Variants in CDH3 observed in about 807,000 individuals in gnomAD.
CDH3 encodes the protein cadherin-3.
Under a neutral mutation model 82.0 loss-of-function variants are expected in CDH3, and 54 were observed. That is an observed-to-expected ratio of 0.66 (90% CI 0.53 to 0.83). The LOEUF (loss-of-function observed/expected upper bound fraction) is 0.83. CDH3 is among the 40% of genes least tolerant of loss of function. CDH3 has a pLI of 0.00. For missense variants in CDH3, 1,054 were observed against 1,084.6 expected (o/e 0.97, Z 0.40); for synonymous variants, 446 against 437.9 (o/e 1.02, Z -0.23).
At position 68,679,959 on chromosome 16, in the gene CDH3, T is replaced by C. The variant is rs1421285135; in HGVS notation, c.852T>C (p.Ser284=). ...CAGGCACCATCAGCGTCATCTCCAG[T>C]GGCCTGGACCGGGAAGTGAGTGGCC... ...RSTGTISVIS[S]GLDREKVPEY... Residue 284 remains serine, a synonymous_variant, in exon 7 of 16, where the codon AGT becomes AGC. Transcript: ENST00000264012. 3.1e-6 allele frequency: 5 copies of C among 1,614,178 alleles called. No homozygotes were observed. The East Asian group carries it at 1.1e-4, about 36-fold the overall frequency.
chr16:68,646,505 C>CA (rs1359417122), intron 2 of CDH3, among the ~76,000 whole-genome samples: 1 of 139,636 alleles, frequency 7.2e-6, no homozygotes, highest in East Asian at 2.3e-4. Flanking sequence ...TACTCCTACC[C>CA]CCCCCCTCCC....
At chr16:68,654,495 G>C (rs1458930346) in intron 2 of CDH3, among the ~76,000 whole-genome samples, 3 of 127,890 alleles carry the variant, frequency 2.3e-5, no homozygotes, top group African/African-American at 5.9e-5. Flanking sequence ...CTGAGGTCAA[G>C]AGTTCGAGAC....
At position 68,674,765 on chromosome 16, in the gene CDH3, G is replaced by T. The variant is rs187429137; in HGVS notation, c.161-1620G>T. On this transcript the variant is annotated intron_variant, in intron 2 of 15. Transcript: ENST00000264012. ...AAAGAATTCTACTTTTTTATATTGT[G>T]CTCTTATATACTATGTGAATACTTT... 6.6e-5 allele frequency among the ~76,000 whole-genome samples: 10 copies of T among 152,162 alleles called. No homozygotes were observed. The East Asian group carries it at 1.7e-3, about 27-fold the overall frequency.
At chr16:68,726,579 G>GT (rs60673311) in intron 2 of CDH3, among the ~76,000 whole-genome samples, 2,315 of 132,138 alleles carry the variant, frequency 0.018, 19 homozygotes, top group Non-Finnish European at 0.021. Context: ...TTTTTTGGTT[G>GT]TTTTTTTTTT....
chr16:68,731,073 T>C (rs1160897337), downstream of CDH3, among the ~76,000 whole-genome samples: 2 of 113,354 alleles, frequency 1.8e-5, no homozygotes, highest in Non-Finnish European at 3.5e-5. Flanking sequence ...TATATATATA[T>C]ATATAATTAT....
intron 2 of CDH3, among the ~76,000 whole-genome samples, chr16:68,648,152 G>A (rs1227462042): frequency 6.6e-6 from 1 of 152,180 alleles, no homozygotes. Flanking sequence ...GTCTAGCCTT[G>A]CCTGAGGTTT....
At chr16:68,713,991 T>G (rs1176825411) in intron 1 of CDH3, among the ~76,000 whole-genome samples, 1 of 152,002 alleles carries the variant, frequency 6.6e-6, no homozygotes, top group Non-Finnish European at 1.5e-5. Context: ...TGGAGTGCGG[T>G]GGCTCGATCT....
Position 68,717,498 on chromosome 16 carries a change from C to T in CDH3, c.100-4927C>T, listed in dbSNP as rs12934330. ...AAAGTTGTGATTAGGTCAGGCCGAG[C>T]GCGGTGGCTCACGCTTGTAATTCCA... On this transcript the variant is annotated intron_variant, in intron 1 of 2. Coordinates refer to the CDH3 transcript ENST00000569080. Among the ~76,000 whole-genome samples, 659 of 152,184 alleles carry T rather than the reference C, an allele frequency of 4.3e-3. 2 individuals are homozygous for T. Among genetic ancestry groups the T allele is most frequent in the Non-Finnish European group, 7.8e-3 (533 of 67,996 alleles).
chr16:68,684,583 G>A lies in CDH3; in HGVS notation c.1183G>A (p.Gly395Ser), dbSNP rs757965198. The change falls in exon 10 of 16, where the codon GGT becomes AGT. Residue 395 changes from glycine to serine, a missense_variant and splice_region_variant. Transcript: ENST00000264012. ...SNQGILTTRK[G>S]LDFEAKNQHT... is the part of the protein sequence containing the mutation. ...GGTCCTTCTTCCTCTTCTCTCCTAG[G>A]GTTTGGATTTTGAGGCCAAAAACCA... is the stretch of plus-strand genomic sequence containing the variant. 5.0e-6 allele frequency: 8 copies of A among 1,614,092 alleles called. No homozygotes were observed. Among genetic ancestry groups the A allele is most frequent in the Non-Finnish European group, 6.8e-6 (8 of 1,180,022 alleles).
Position 68,647,854 on chromosome 16 carries a change from G to A in CDH3, c.160+2104G>A, listed in dbSNP as rs181892773. On this transcript the variant is annotated intron_variant, in intron 2 of 15. Coordinates refer to ENST00000264012, the MANE Select transcript of CDH3 (RefSeq NM_001793.6). ...GTTGAAAGGGTTATCCTGCAGGAAC[G>A]TATAGACTCTCAAGTTTAGCCAAGC... Among the ~76,000 whole-genome samples the A allele has an allele frequency of 5.5e-4, 84 of 152,178 alleles. 2 individuals carry two copies. In the East Asian group the frequency reaches 0.013, roughly 24 times the overall value.
chr16:68,665,606 T>C (rs1340090063), intron 2 of CDH3, among the ~76,000 whole-genome samples: 1 of 152,156 alleles, frequency 6.6e-6, no homozygotes, highest in Non-Finnish European at 1.5e-5. Context: ...TACACAGCAC[T>C]TTTACCTACC....
rs1961813748 is a variant in CDH3 at position 68,698,412 on chromosome 16, G to A, written c.*12G>A. 6.2e-7 allele frequency: 1 copy of A among 1,612,510 alleles called. No homozygotes were observed. Among genetic ancestry groups the A allele is most frequent in the Non-Finnish European group, 8.5e-7 (1 of 1,179,158 alleles). On this transcript the variant is annotated 3_prime_UTR_variant, in exon 16 of 16. Transcript: ENST00000264012. ...GGGAGGACGACTAGGCGGCCTGCCT[G>A]CAGGGCTGGGGACCAAACGTCAGGC...
In CDH3 at chr16:68,698,683, A is replaced by G; in HGVS notation, c.*283A>G. On this transcript the variant is annotated 3_prime_UTR_variant, in exon 16 of 16. Coordinates refer to ENST00000264012, the MANE Select transcript of CDH3 (RefSeq NM_001793.6). ...GCCTCTTACCTGCCGTAAAATGCTC[A>G]ACCCTGTGTCCTGGGCCTGGGCCTG... 1 of 495,124 alleles carries G rather than the reference A, an allele frequency of 2.0e-6. No homozygotes were observed. The highest frequency in any genetic ancestry group is 3.6e-5 in the East Asian group (1 of 27,398). 30.7% of individuals were successfully genotyped at this position (495,124 alleles called of 1,614,324 possible).
intron 2 of CDH3, among the ~76,000 whole-genome samples, chr16:68,657,995 C>T (rs902346369): frequency 2.6e-5 from 4 of 151,770 alleles, no homozygotes; most frequent in Non-Finnish European, 5.9e-5. Context: ...GCGCATCTTT[C>T]TAAGAAGTCT....
At chr16:68,657,261 C>T (rs1960431168) in intron 2 of CDH3, among the ~76,000 whole-genome samples, 1 of 152,290 alleles carries the variant, frequency 6.6e-6, no homozygotes, top group Non-Finnish European at 1.5e-5. Context: ...CACCTGTAAT[C>T]CCAGCACTTT....
intron 2 of CDH3, among the ~76,000 whole-genome samples, chr16:68,649,762 G>A (rs878884919): frequency 5.3e-5 from 8 of 152,082 alleles, no homozygotes; most frequent in African/African-American, 1.4e-4. Flanking sequence ...GGCGAGGCGC[G>A]GTGGCTCACG....
downstream of CDH3, among the ~76,000 whole-genome samples, chr16:68,703,481 GCT>G (rs1190075411): frequency 6.6e-6 from 1 of 152,212 alleles, no homozygotes; most frequent in East Asian, 1.9e-4. Flanking sequence ...CCAGTTCGAA[GCT>G]TGCTGGAGAG....
chr16:68,728,161 TTTTGTTTG>T (rs145903467), downstream of CDH3, among the ~76,000 whole-genome samples: 3 of 150,906 alleles, frequency 2.0e-5, no homozygotes, highest in Non-Finnish European at 3.0e-5. Flanking sequence ...TTATGAGGTT[TTTTGTTTG>T]TTTGTTTGTT....
In CDH3 at chr16:68,691,819, T is replaced by A; in HGVS notation, c.1895T>A (p.Val632Glu). The A allele has an allele frequency of 6.2e-7, 1 of 1,614,130 alleles. No homozygotes were observed. The highest frequency in any genetic ancestry group is 8.5e-7 in the Non-Finnish European group (1 of 1,180,012). The change falls in exon 13 of 16, where the codon GTG (valine) becomes GAG (glutamate). Residue 632 changes from valine to glutamate, a missense_variant. Physicochemically the swap from Val to Glu is moderately radical, Grantham distance 121. Transcript: ENST00000264012. Reference sequence around the variant, plus strand: ...CATGGCAACAAAGAGCAGCTGACGGTGATCAGGGCCACTGTGTGCGACTGC... The same window carrying A: ...CATGGCAACAAAGAGCAGCTGACGGAGATCAGGGCCACTGTGTGCGACTGC... ...SDHGNKEQLT[V>E]IRATVCDCHG... is the part of the protein sequence containing the mutation.
Sources: allele counts gnomAD v4.1 joint callset (sites outside exome capture counted in the v4.1 genomes callset), GRCh38; gene constraint gnomAD v4.1.1; transcripts MANE v1.5; gene names NCBI Gene and HGNC (gene_info 2026-07-23, HGNC 2026-07-21).